The following ATP2B4 variants were observed in gnomAD, a reference collection of about 807,000 sequenced individuals.
The protein encoded by ATP2B4 is ATPase plasma membrane Ca2+ transporting 4.
In ATP2B4, 39 loss-of-function variants were observed where a neutral mutation model predicts 110.3. The observed-to-expected ratio is 0.35, with a 90% CI of 0.27 to 0.46. The LOEUF (loss-of-function observed/expected upper bound fraction) is 0.46. Ranked by LOEUF, ATP2B4 falls within the 20% of genes least tolerant of loss-of-function variation. The pLI is 1.00. For synonymous variants in ATP2B4, 538 were observed against 571.7 expected (o/e 0.94, Z 0.84); for missense variants, 1,135 against 1,530.9 (o/e 0.74, Z 4.32).
At chr1:203,705,988 G>A (rs983458972) in intron 8 of ATP2B4, among the ~76,000 whole-genome samples, 1 of 152,122 alleles carries the variant, frequency 6.6e-6, no homozygotes, top group African/African-American at 2.4e-5. Flanking sequence ...GAATCATCAG[G>A]CCCTTGGGAA....
At chr1:203,733,189 G>A in intron 20 of ATP2B4, 1 of 1,589,522 alleles carries the variant, frequency 6.3e-7, no homozygotes, top group Non-Finnish European at 8.6e-7. Context: ...ACTGACTGTG[G>A]AGCAAAGCTG....
chr1:203,700,510 A>G (rs969117823), intron 5 of ATP2B4, among the ~76,000 whole-genome samples, 179 bp downstream of exon 5: 5 of 152,118 alleles, frequency 3.3e-5, no homozygotes, highest in Non-Finnish European at 7.4e-5. Flanking sequence ...GAAGTTTTCC[A>G]TGAAACAAGT....
rs751707749 is a variant in ATP2B4, at chr1:203,645,590, C to CT, written c.-465+18387dup. On this transcript the variant is annotated intron_variant, in intron 1 of 20. Coordinates refer to ENST00000357681, the MANE Select transcript of ATP2B4 (RefSeq NM_001684.5). ...TCCCAGCTTATACTCCCTTTTCTTT[C>CT]TTTTTTTTTTTTTTTTCTGGAGATG... Among the ~76,000 whole-genome samples the CT allele has an allele frequency of 3.6e-3, 493 of 138,476 alleles. 2 individuals carry two copies. The highest frequency in any genetic ancestry group is 0.015 in the East Asian group (74 of 4,808). 90.8% of individuals were successfully genotyped at this position (138,476 alleles called of 152,430 possible).
chr1:203,673,878 G>A (rs958354276), intron 1 of ATP2B4, among the ~76,000 whole-genome samples: 1 of 152,150 alleles, frequency 6.6e-6, no homozygotes, highest in African/African-American at 2.4e-5. Context: ...TCCCGACCCG[G>A]TAGCCCAGGG....
At chr1:203,648,603 G>A (rs1571678771) in intron 1 of ATP2B4, among the ~76,000 whole-genome samples, 1 of 152,152 alleles carries the variant, frequency 6.6e-6, no homozygotes, top group African/African-American at 2.4e-5. Flanking sequence ...GCTTGTCCAA[G>A]GCACCTGTTC....
intron 1 of ATP2B4, among the ~76,000 whole-genome samples, chr1:203,677,042 G>A (rs547293388): frequency 7.2e-5 from 11 of 152,072 alleles, no homozygotes; most frequent in Non-Finnish European, 1.3e-4. Context: ...TTATATCATT[G>A]TTCTTGCACT....
chr1:203,699,527 A>C lies in ATP2B4; in HGVS notation c.459A>C (p.Ala153=). The stretch of plus-strand genomic sequence containing the variant: ...CACAAGCTGGCTGGATTGAGGGGGC[A>C]GCCATCCTTTTCTCAGTGATCATCG... ...NEAQAGWIEG[A]AILFSVIIVV... is the part of the protein sequence containing the mutation. The change falls in exon 4 of 21, where the codon GCA becomes GCC. Residue 153 remains alanine (A), a synonymous_variant. Transcript: ENST00000357681. 6.2e-7 allele frequency: 1 copy of C among 1,614,206 alleles called. No individual in the cohort carries two copies. Among genetic ancestry groups the C allele is most frequent in the Non-Finnish European group, 8.5e-7 (1 of 1,180,030 alleles).
At position 203,716,617 on chromosome 1, in the gene ATP2B4, G is replaced by A. The variant is rs940507446; in HGVS notation, c.2406+2340G>A. 5.5e-5 allele frequency among the ~76,000 whole-genome samples: 8 copies of A among 144,944 alleles called. 2 individuals carry two copies. Among genetic ancestry groups the A allele is most frequent in the South Asian group, 4.7e-4 (2 of 4,214 alleles). ...CAAGCATTCCTTCCTAAGGACAGTC[G>A]TCTCAGGCCTGCTGTGTTAACTCTC... On this transcript the variant is annotated intron_variant, in intron 15 of 20. Coordinates refer to ENST00000357681, the MANE Select transcript of ATP2B4 (RefSeq NM_001684.5).
At chr1:203,704,482 T>C (rs965234456) in intron 8 of ATP2B4, among the ~76,000 whole-genome samples, 9 of 133,986 alleles carry the variant, frequency 6.7e-5, no homozygotes, top group Non-Finnish European at 1.3e-4. Context: ...TTTTTTTTTT[T>C]TTTTTTTTTT....
In ATP2B4 at chr1:203,683,186, GC is replaced by G. The variant is rs1665066208; in HGVS notation, c.-19del. The G allele has an allele frequency of 6.2e-7, 1 of 1,609,526 alleles. No individual in the cohort carries two copies. Among genetic ancestry groups the G allele is most frequent in the Non-Finnish European group, 8.5e-7 (1 of 1,177,232 alleles). On this transcript the variant is annotated 5_prime_UTR_variant, in exon 2 of 21. Transcript: ENST00000357681. ...ACGCTACATCTTCTCTGGTTGAGGGGCTTGGTAACAGCAGGCAAAATGACGA... is the reference window on the plus strand; with the variant it reads ...ACGCTACATCTTCTCTGGTTGAGGGGTTGGTAACAGCAGGCAAAATGACGA...
intron 1 of ATP2B4, among the ~76,000 whole-genome samples, chr1:203,665,718 T>A (rs1255308066): frequency 6.7e-6 from 1 of 148,486 alleles, no homozygotes; most frequent in Non-Finnish European, 1.5e-5. Flanking sequence ...GAGAATCACT[T>A]GAACCCGGGA....
Position 203,707,080 on chromosome 1 carries a change from C to G in ATP2B4, c.1171C>G (p.Arg391Gly), listed in dbSNP as rs376933890. The G allele has an allele frequency of 3.1e-6, 5 of 1,613,938 alleles. No individual in the cohort carries two copies. The highest frequency in any genetic ancestry group is 4.2e-6 in the Non-Finnish European group (5 of 1,179,994). ...TGTGATTGACAACTTTGTGATAAAT[C>G]GCAGACCATGGCTCCCTGAGTGTAC... ...YFVIDNFVIN[R>G]RPWLPECTPI... Residue 391 changes from arginine to glycine, a missense_variant, in exon 9 of 21, where the codon CGC becomes GGC. Physicochemically the swap from Arg to Gly is moderately radical, Grantham distance 125 (BLOSUM62 -2). Around this residue, in one of 9 missense-constraint regions of ATP2B4, gnomAD observed 162 missense variants for 210.5 expected, o/e 0.77. Transcript: ENST00000357681.
At chr1:203,665,275 A>G (rs7520864) in intron 1 of ATP2B4, among the ~76,000 whole-genome samples, 137,937 of 152,296 alleles carry the variant, frequency 0.91, 63,603 homozygotes, top group Non-Finnish European at 0.99. Context: ...AGCAGCTCTG[A>G]AAAGAGAAGG....
intron 1 of ATP2B4, among the ~76,000 whole-genome samples, chr1:203,660,025 T>C (rs562346429): frequency 1.3e-5 from 2 of 148,240 alleles, no homozygotes; most frequent in African/African-American, 5.0e-5. Context: ...GAGGTTGCAG[T>C]GAGCCAAGAT....
At chr1:203,637,324 G>T (rs1439596541) in intron 1 of ATP2B4, among the ~76,000 whole-genome samples, 1 of 152,014 alleles carries the variant, frequency 6.6e-6, no homozygotes, top group African/African-American at 2.4e-5. Flanking sequence ...CCAGCTACTG[G>T]GGAGGCTGAG....
At chr1:203,709,849 A>T (rs1345901810) in intron 11 of ATP2B4, among the ~76,000 whole-genome samples, 1 of 152,256 alleles carries the variant, frequency 6.6e-6, no homozygotes, top group African/African-American at 2.4e-5. Context: ...TGGCACAGCC[A>T]GGATTCAGAC....
intron 20 of ATP2B4, among the ~76,000 whole-genome samples, chr1:203,735,002 C>CAAAAAAAA (rs35552196): frequency 1.3e-3 from 73 of 57,106 alleles, no homozygotes; most frequent in Admixed American, 1.7e-3. Context: ...GACTCCATCT[C>CAAAAAAAA]AAAAAAAAAA....
chr1:203,708,227 C>T (rs369929952), intron 10 of ATP2B4, 123 bp downstream of exon 10: 65 of 1,391,188 alleles, frequency 4.7e-5, no homozygotes, highest in South Asian at 3.7e-4. Context: ...CCATTTCTCA[C>T]GCTGGAGTGA....
intron 2 of ATP2B4, among the ~76,000 whole-genome samples, chr1:203,689,834 A>G (rs1024277015): frequency 6.6e-6 from 1 of 152,210 alleles, no homozygotes; most frequent in Non-Finnish European, 1.5e-5. Flanking sequence ...ATGGGAACAC[A>G]GTGTAGGGAC....
Sources: gnomAD v4.1 joint callset for allele counts (sites outside exome capture counted in the v4.1 genomes callset) on GRCh38, gnomAD v4.1.1 for gene constraint, gnomAD v4.1.1 regional missense constraint, MANE v1.5 for transcripts, NCBI Gene and HGNC (gene_info 2026-07-23, HGNC 2026-07-21) for gene names.